MTHFD2L: variants seen among roughly 807,000 people sequenced by gnomAD.
The protein encoded by MTHFD2L is bifunctional methylenetetrahydrofolate dehydrogenase/cyclohydrolase 2, mitochondrial.
MTHFD2L carries 29 observed loss-of-function variants against 34.9 expected under a neutral mutation model. The observed-to-expected ratio is 0.83, with a 90% CI of 0.62 to 1.13. The LOEUF (loss-of-function observed/expected upper bound fraction) is 1.13. Among genes scored for constraint, MTHFD2L ranks in the 50% most tolerant of loss-of-function variants. The pLI, the probability that MTHFD2L is intolerant of heterozygous loss-of-function variation, is 0.00. For synonymous variants in MTHFD2L, 167 were observed against 155.7 expected, an observed-to-expected ratio of 1.07 and a Z score of -0.54; for missense variants, 481 against 446.5, an observed-to-expected ratio of 1.08 and a Z score of -0.70.
rs532776128 is a variant in MTHFD2L, at chr4:74,199,681, C to T, written c.452-113C>T. On this transcript the variant is annotated intron_variant, in intron 3 of 7. Transcript: ENST00000325278. ...TAATAATAATAATAATGACTTTACA[C>T]CTTTTTTAGAGCCGAATTATAAGTG... 2.7e-4 allele frequency: 233 copies of T among 855,942 alleles called. 3 individuals carry two copies. The South Asian group carries it at 4.3e-3, about 16-fold the overall frequency. 53.0% of individuals were successfully genotyped at this position (855,942 alleles called of 1,614,324 possible). A position where few individuals can be genotyped will look rare whatever the true frequency, so the allele number is the denominator to read the frequency against.
chr4:74,122,139 C>T (rs937311560), upstream of MTHFD2L, among the ~76,000 whole-genome samples: 1 of 151,948 alleles, frequency 6.6e-6, no homozygotes, highest in African/African-American at 2.4e-5. Flanking sequence ...GGGAGAAATC[C>T]TTTTAATTAT....
chr4:74,300,095 A>G (rs954772569), intron 7 of MTHFD2L, among the ~76,000 whole-genome samples: 1 of 152,066 alleles, frequency 6.6e-6, no homozygotes, highest in African/African-American at 2.4e-5. Flanking sequence ...ATGTTTCTAT[A>G]GAATAGAATG....
intron 7 of MTHFD2L, among the ~76,000 whole-genome samples, chr4:74,296,031 C>T (rs1023916475): frequency 4.6e-5 from 7 of 152,138 alleles, no homozygotes; most frequent in African/African-American, 1.7e-4. Flanking sequence ...TAATGTCCAT[C>T]TTCCCAACTA....
At chr4:74,263,428 TTTAATGATATTGATTC>T (rs1744917986) in intron 6 of MTHFD2L, among the ~76,000 whole-genome samples, 1 of 152,084 alleles carries the variant, frequency 6.6e-6, no homozygotes, top group Non-Finnish European at 1.5e-5. Flanking sequence ...GTATGGCCAT[TTTAATGATATTGATTC>T]TTTCTATCCA....
intron 3 of MTHFD2L, among the ~76,000 whole-genome samples, chr4:74,198,202 G>C (rs889093606): frequency 1.3e-5 from 2 of 152,152 alleles, no homozygotes; most frequent in Non-Finnish European, 2.9e-5. Context: ...CAGATTTTCA[G>C]ATGCTTACAT....
At chr4:74,269,532 G>T (rs1041878142) in intron 6 of MTHFD2L, among the ~76,000 whole-genome samples, 1 of 151,452 alleles carries the variant, frequency 6.6e-6, no homozygotes, top group East Asian at 1.9e-4. Flanking sequence ...TTTTATACTT[G>T]TAATGCATAA....
chr4:74,180,272 T>C (rs1729877225), intron 3 of MTHFD2L, among the ~76,000 whole-genome samples: 1 of 152,116 alleles, frequency 6.6e-6, no homozygotes, highest in African/African-American at 2.4e-5. Flanking sequence ...TTTTGATAGA[T>C]TGGCTGTATA....
intron 5 of MTHFD2L, among the ~76,000 whole-genome samples, chr4:74,221,120 CT>C (rs898006516): frequency 1.3e-5 from 2 of 149,252 alleles, no homozygotes; most frequent in Admixed American, 6.7e-5. Flanking sequence ...TATGAAGGAT[CT>C]TTTTTTTTCC....
At chr4:74,247,464 C>T (rs1742643748) in intron 6 of MTHFD2L, among the ~76,000 whole-genome samples, 1 of 151,864 alleles carries the variant, frequency 6.6e-6, no homozygotes, top group African/African-American at 2.4e-5. Flanking sequence ...AATTGAATGC[C>T]CTTTATTTCC....
At chr4:74,184,342 A>G (rs1730746132) in intron 3 of MTHFD2L, among the ~76,000 whole-genome samples, 3 of 152,342 alleles carry the variant, frequency 2.0e-5, no homozygotes, top group Middle Eastern at 3.4e-3. Flanking sequence ...AATATATGCC[A>G]TTCTAACATG....
upstream of MTHFD2L, among the ~76,000 whole-genome samples, chr4:74,153,123 C>T (rs187885975): frequency 6.6e-6 from 1 of 152,282 alleles, no homozygotes; most frequent in Admixed American, 6.5e-5. Flanking sequence ...GGCTTCTTTG[C>T]TATTCTCTGG....
chr4:74,275,982 T>C (rs573358754), intron 6 of MTHFD2L, among the ~76,000 whole-genome samples: 34 of 152,218 alleles, frequency 2.2e-4, no homozygotes, highest in Non-Finnish European at 4.3e-4. Context: ...TTAGCTTTTG[T>C]TGCAATTGCT....
At chr4:74,172,279 A>T (rs1004751349) in intron 1 of MTHFD2L, among the ~76,000 whole-genome samples, 2 of 152,202 alleles carry the variant, frequency 1.3e-5, no homozygotes, top group African/African-American at 4.8e-5. Context: ...ATGGTTTCTC[A>T]GGTATATACA....
At chr4:74,219,077 G>T (rs920167864) in intron 5 of MTHFD2L, among the ~76,000 whole-genome samples, 1 of 151,926 alleles carries the variant, frequency 6.6e-6, no homozygotes, top group African/African-American at 2.4e-5. Context: ...ATCTAAAGAT[G>T]ATTTAAAGTG....
At chr4:74,184,296 A>C (rs78271407) in intron 3 of MTHFD2L, among the ~76,000 whole-genome samples, 4,401 of 152,326 alleles carry the variant, frequency 0.029, 97 homozygotes, top group East Asian at 0.12. Flanking sequence ...CACCTTAACT[A>C]TAAGGACACA....
intron 5 of MTHFD2L, among the ~76,000 whole-genome samples, chr4:74,206,637 GC>G (rs1735377056): frequency 6.6e-6 from 1 of 151,864 alleles, no homozygotes; most frequent in Non-Finnish European, 1.5e-5. Context: ...AAGTTAAGCT[GC>G]CCAGTTACAT....
chr4:74,178,322 T>C (rs1251938162), intron 3 of MTHFD2L, among the ~76,000 whole-genome samples: 1 of 152,102 alleles, frequency 6.6e-6, no homozygotes, highest in Non-Finnish European at 1.5e-5. Flanking sequence ...ACCACACATA[T>C]CTACAAATTT....
chr4:74,160,047 T>C, intron 1 of MTHFD2L: 1 of 1,284,942 alleles, frequency 7.8e-7, no homozygotes, highest in Non-Finnish European at 1.0e-6. Context: ...GTCTCTTTTC[T>C]CTTCTAGGAC....
At chr4:74,118,625 A>T (rs1039141025), upstream of MTHFD2L, among the ~76,000 whole-genome samples, 3 of 152,212 alleles carry the variant, frequency 2.0e-5, no homozygotes, top group African/African-American at 7.2e-5. Context: ...GTGTCATTAT[A>T]AGAAGAGGAG....
Sources: allele counts gnomAD v4.1 joint callset (sites outside exome capture counted in the v4.1 genomes callset), GRCh38; gene constraint gnomAD v4.1.1; transcripts MANE v1.5; gene names NCBI Gene and HGNC (gene_info 2026-07-23, HGNC 2026-07-21).